The following PLSCR4 variants were observed in gnomAD, a reference collection of about 807,000 sequenced individuals.
PLSCR4 encodes Ca(2+)-dependent phospholipid scramblase 4.
A neutral mutation model predicts 36.3 loss-of-function variants in PLSCR4; 25 were observed. The observed-to-expected ratio is 0.69, with a 90% CI of 0.50 to 0.96. PLSCR4 has a LOEUF of 0.96. PLSCR4 is among the 40% of genes least tolerant of loss of function. The probability of loss-of-function intolerance (pLI) is 0.00; values close to 1 mark genes in which losing one functional copy is unlikely to be tolerated. For synonymous variants in PLSCR4, 122 were observed against 132.9 expected (o/e 0.92, Z 0.56); for missense variants, 408 against 414.7 (o/e 0.98, Z 0.14).
intron 7 of PLSCR4, among the ~76,000 whole-genome samples, chr3:146,195,894 G>T (rs528663356): frequency 7.2e-5 from 11 of 152,248 alleles, no homozygotes; most frequent in African/African-American, 2.6e-4. Flanking sequence ...TAACGATACA[G>T]TAATAGAAAA....
At chr3:146,222,159 CACAGGTAAGGATTTCTGT>C in intron 1 of PLSCR4, 67 bp from the exon 2 acceptor site, 1 of 533,316 alleles carries the variant, frequency 1.9e-6, no homozygotes, top group Non-Finnish European at 3.1e-6. Flanking sequence ...TACTCAGTAA[CACAGGTAAGGATTTCTGT>C]AATTTTTTTA....
At chr3:146,222,584 T>C (rs1452796975) in intron 1 of PLSCR4, among the ~76,000 whole-genome samples, 3 of 152,080 alleles carry the variant, frequency 2.0e-5, no homozygotes, top group African/African-American at 2.4e-5. Flanking sequence ...GAGATGGCAG[T>C]GAGCATGGGA....
rs569475956 is a variant in PLSCR4 at position 146,215,476 on chromosome 3, G to A, written c.118+5339C>T. Reference sequence around the variant, plus strand: ...GGAATCAATGTTGCAACACTGCAATGTATAATCATGTAAATTCTTGTTTTT... The same window carrying A: ...GGAATCAATGTTGCAACACTGCAATATATAATCATGTAAATTCTTGTTTTT... On this transcript the variant is annotated intron_variant, in intron 3 of 8. Transcript: ENST00000354952. Among the ~76,000 whole-genome samples, 62 of 152,216 alleles carry A rather than the reference G, an allele frequency of 4.1e-4. No individual in the cohort carries two copies. The South Asian group carries it at 0.013, about 32-fold the overall frequency.
chr3:146,231,335 T>A lies in PLSCR4; in HGVS notation c.-21-9243A>T, dbSNP rs897785101. ...TGCAATGAATATAGAAGTGTATGTA[T>A]CTTTTTGGTAGAACAATTTACATTC... On this transcript the variant is annotated intron_variant, in intron 1 of 8. Transcript: ENST00000354952. Among the ~76,000 whole-genome samples, 6 of 152,188 alleles carry A rather than the reference T, an allele frequency of 3.9e-5. No individual in the cohort carries two copies. The South Asian group carries it at 1.2e-3, about 32-fold the overall frequency.
chr3:146,213,228 C>A (rs1244659272), intron 3 of PLSCR4, among the ~76,000 whole-genome samples: 2 of 151,906 alleles, frequency 1.3e-5, no homozygotes, highest in Non-Finnish European at 2.9e-5. Flanking sequence ...TTGGGTAATA[C>A]TGGCCTCTAG....
intron 1 of PLSCR4, among the ~76,000 whole-genome samples, chr3:146,225,480 G>A (rs1456189435): frequency 6.6e-6 from 1 of 152,340 alleles, no homozygotes; most frequent in East Asian, 1.9e-4. Context: ...GGTGGAGCAG[G>A]GGGTGGTGCT....
intron 6 of PLSCR4, among the ~76,000 whole-genome samples, 158 bp downstream of exon 6, chr3:146,199,655 C>A (rs954632935): frequency 2.8e-4 from 43 of 152,082 alleles, no homozygotes; most frequent in African/African-American, 1.0e-3. Flanking sequence ...CTATGATTTT[C>A]CTTAGGCGAG....
chr3:146,229,592 CATTTATTTATTT>C (rs202235802), intron 1 of PLSCR4, among the ~76,000 whole-genome samples: 16 of 57,318 alleles, frequency 2.8e-4, no homozygotes, highest in South Asian at 1.8e-3. Context: ...TTTTATTTTT[CATTTATTTATTT>C]ATTTATTTAT....
intron 1 of PLSCR4, among the ~76,000 whole-genome samples, chr3:146,223,253 C>CA (rs985596042): frequency 2.7e-5 from 4 of 150,260 alleles, no homozygotes; most frequent in South Asian, 2.1e-4. Flanking sequence ...TTCAGTCAGG[C>CA]AAAAAAAAGG....
At chr3:146,228,496 G>A (rs550854852) in intron 1 of PLSCR4, among the ~76,000 whole-genome samples, 14 of 152,138 alleles carry the variant, frequency 9.2e-5, no homozygotes. Context: ...CGGAGACATT[G>A]CCAAAGGGGT....
chr3:146,207,418 T>C (rs1173305675), intron 3 of PLSCR4, among the ~76,000 whole-genome samples: 1 of 151,914 alleles, frequency 6.6e-6, no homozygotes, highest in Non-Finnish European at 1.5e-5. Flanking sequence ...AACAAGCATT[T>C]CTTTCTTATA....
chr3:146,221,004 T>C (rs1477614368), intron 2 of PLSCR4, 79 bp from the exon 3 acceptor site: 2 of 771,484 alleles, frequency 2.6e-6, no homozygotes, highest in South Asian at 2.0e-5. Context: ...TCCTTTCTTA[T>C]GGGAATGCAT....
chr3:146,218,325 T>G (rs3804653), intron 3 of PLSCR4, among the ~76,000 whole-genome samples: 50,433 of 151,690 alleles, frequency 0.33, 9,050 homozygotes, highest in South Asian at 0.45. Context: ...ATATGAATTA[T>G]CTCAAGAATA....
chr3:146,197,561 AAATGTG>A (rs904236140), intron 6 of PLSCR4, among the ~76,000 whole-genome samples: 2 of 152,210 alleles, frequency 1.3e-5, no homozygotes, highest in African/African-American at 4.8e-5. Context: ...GAAAACAACA[AAATGTG>A]TACATGGGTT....
chr3:146,216,555 ATAC>A (rs2034899825), intron 3 of PLSCR4, among the ~76,000 whole-genome samples: 1 of 152,200 alleles, frequency 6.6e-6, no homozygotes, highest in Non-Finnish European at 1.5e-5. Context: ...TATATAGTAG[ATAC>A]TATTATTATC....
At chr3:146,236,412 A>G (rs569307569) in intron 1 of PLSCR4, among the ~76,000 whole-genome samples, 2 of 152,288 alleles carry the variant, frequency 1.3e-5, no homozygotes, top group South Asian at 4.2e-4. Context: ...TTAAATGCAT[A>G]TTTTTTTAAA....
At chr3:146,233,230 T>C (rs1164988838) in intron 1 of PLSCR4, among the ~76,000 whole-genome samples, 1 of 152,146 alleles carries the variant, frequency 6.6e-6, no homozygotes, top group Non-Finnish European at 1.5e-5. Context: ...GGCCACATAC[T>C]ATATTGGGAA....
At position 146,206,677 on chromosome 3, in the gene PLSCR4, G is replaced by A. The variant is rs866295579; in HGVS notation, c.203C>T (p.Thr68Ile). The A allele has an allele frequency of 6.2e-7, 1 of 1,613,256 alleles. No homozygotes were observed. Among genetic ancestry groups the A allele is most frequent in the Non-Finnish European group, 8.5e-7 (1 of 1,179,614 alleles). Residue 68 changes from threonine (T) to isoleucine (I), a missense_variant, in exon 4 of 9, where the codon ACC becomes ATC. Thr to Ile is a moderately conservative substitution (Grantham distance 89, BLOSUM62 -1). Transcript: ENST00000354952. ...ACCAACTGGCTGGTACAAAGGGAAG[G>A]TACTGGGTTGCTGTGGACTGTAGTA... is the stretch of plus-strand genomic sequence containing the variant. ...MGYYSPQQPS[T>I]FPLYQPVGGI...
At chr3:146,210,647 T>C (rs1233732326) in intron 3 of PLSCR4, among the ~76,000 whole-genome samples, 1 of 152,022 alleles carries the variant, frequency 6.6e-6, no homozygotes, top group African/African-American at 2.4e-5. Context: ...TGTAGTGGTT[T>C]TAAGTATATT....
Sources: gnomAD v4.1 joint callset for allele counts (sites outside exome capture counted in the v4.1 genomes callset) on GRCh38, gnomAD v4.1.1 for gene constraint, MANE v1.5 for transcripts, NCBI Gene and HGNC (gene_info 2026-07-23, HGNC 2026-07-21) for gene names.